Variants in NAALADL2 observed in about 807,000 individuals in gnomAD.
The protein encoded by NAALADL2 is N-acetylated alpha-linked acidic dipeptidase like 2, also known as inactive N-acetylated-alpha-linked acidic dipeptidase-like protein 2.
Under a neutral mutation model 87.2 loss-of-function variants are expected in NAALADL2, and 76 were observed. The observed-to-expected ratio is 0.87, with a 90% CI of 0.72 to 1.05. The LOEUF (loss-of-function observed/expected upper bound fraction) is 1.05. Ranked by LOEUF, NAALADL2 falls within the 50% of genes least tolerant of loss-of-function variation. The pLI is 0.00. For synonymous variants in NAALADL2, 354 were observed against 331.0 expected (o/e 1.07, Z -0.75); for missense variants, 1,089 against 945.8 (o/e 1.15, Z -1.99).
At chr3:175,494,801 A>G (rs1352578856) in intron 9 of NAALADL2, among the ~76,000 whole-genome samples, 3 of 152,012 alleles carry the variant, frequency 2.0e-5, no homozygotes, top group Admixed American at 6.6e-5. Context: ...TCACTGTAGT[A>G]TTTTGAAGAT....
chr3:175,667,173 GAAAGAAAGAGAAAGAA>G (rs1386778956), intron 11 of NAALADL2, among the ~76,000 whole-genome samples: 2 of 121,588 alleles, frequency 1.6e-5, no homozygotes, highest in African/African-American at 6.7e-5. Context: ...AAGAAAGAAA[GAAAGAAAGAGAAAGAA>G]AGAAAGAAAG....
chr3:175,509,711 G>A (rs953361607), intron 9 of NAALADL2, among the ~76,000 whole-genome samples: 3 of 152,188 alleles, frequency 2.0e-5, no homozygotes, highest in Non-Finnish European at 4.4e-5. Flanking sequence ...GCTGCTATAA[G>A]GACATGCGAG....
intron 4 of NAALADL2, among the ~76,000 whole-genome samples, chr3:175,262,958 A>C (rs1331312460): frequency 6.6e-6 from 1 of 151,154 alleles, no homozygotes; most frequent in South Asian, 2.1e-4. Context: ...TCACTGAATA[A>C]TTTAATAAGG....
chr3:175,673,996 C>A (rs1487851891), intron 11 of NAALADL2, among the ~76,000 whole-genome samples: 4 of 151,450 alleles, frequency 2.6e-5, no homozygotes, highest in Non-Finnish European at 5.9e-5. Context: ...TTCAAAGATC[C>A]CTATAATGTT....
chr3:175,564,773 T>C (rs1716837501), intron 9 of NAALADL2, among the ~76,000 whole-genome samples: 1 of 152,226 alleles, frequency 6.6e-6, no homozygotes, highest in South Asian at 2.1e-4. Flanking sequence ...TCCAGTGTCT[T>C]GGCCAAAGGT....
chr3:175,499,735 A>C (rs911296477), intron 9 of NAALADL2, among the ~76,000 whole-genome samples: 2 of 152,108 alleles, frequency 1.3e-5, no homozygotes, highest in African/African-American at 4.8e-5. Context: ...CAGTTATTGC[A>C]CAAATTATTG....
chr3:174,555,924 C>G (rs980141699), intron 2 of NAALADL2, among the ~76,000 whole-genome samples: 2 of 151,670 alleles, frequency 1.3e-5, no homozygotes, highest in Admixed American at 6.6e-5. Flanking sequence ...TCCACCACCC[C>G]ATCGATGTTA....
chr3:175,524,874 A>G (rs1336088637), intron 9 of NAALADL2, among the ~76,000 whole-genome samples: 2 of 152,268 alleles, frequency 1.3e-5, no homozygotes, highest in East Asian at 3.9e-4. Flanking sequence ...CAAGATAATT[A>G]CATATATGTT....
chr3:175,486,329 A>G (rs1727249475), intron 9 of NAALADL2, among the ~76,000 whole-genome samples: 1 of 152,134 alleles, frequency 6.6e-6, no homozygotes, highest in South Asian at 2.1e-4. Context: ...GGACAGGCTA[A>G]AAAGAAGGCT....
intron 1 of NAALADL2, among the ~76,000 whole-genome samples, chr3:174,959,463 C>T (rs1012545758): frequency 6.6e-6 from 1 of 151,936 alleles, no homozygotes; most frequent in Non-Finnish European, 1.5e-5. Flanking sequence ...AGTTATATCA[C>T]AGAGGGGCAC....
At chr3:175,043,579 A>G (rs1323774765) in intron 1 of NAALADL2, among the ~76,000 whole-genome samples, 2 of 152,146 alleles carry the variant, frequency 1.3e-5, no homozygotes, top group Admixed American at 6.6e-5. Context: ...TAAGGATCCA[A>G]TTTTAATTTT....
intron 12 of NAALADL2, among the ~76,000 whole-genome samples, chr3:175,753,193 A>T (rs1746825417): frequency 6.6e-6 from 1 of 152,168 alleles, no homozygotes; most frequent in South Asian, 2.1e-4. Flanking sequence ...TGTTAATTTC[A>T]GTGAGCAGGG....
intron 10 of NAALADL2, among the ~76,000 whole-genome samples, chr3:175,592,473 T>C (rs112576065): frequency 0.043 from 6,606 of 152,094 alleles, 487 homozygotes; most frequent in African/African-American, 0.15. Context: ...AGACTGTAGT[T>C]ACCTTTTCAC....
intron 11 of NAALADL2, among the ~76,000 whole-genome samples, chr3:175,716,275 T>C (rs943821429): frequency 1.4e-5 from 2 of 146,146 alleles, no homozygotes; most frequent in Non-Finnish European, 3.0e-5. Flanking sequence ...ATATATATAA[T>C]ATATATTATG....
rs558836631 is a variant in NAALADL2 at position 175,436,098 on chromosome 3, G to C, written c.1091-11131G>C. 3.5e-5 allele frequency among the ~76,000 whole-genome samples: 5 copies of C among 144,492 alleles called. No individual in the cohort carries two copies. The East Asian group carries it at 1.0e-3, about 30-fold the overall frequency. The allele number at this position is 144,492 out of a possible 152,430, so 94.8% of individuals were successfully genotyped here. A position where few individuals can be genotyped will look rare whatever the true frequency, so the allele number is the denominator to read the frequency against. ...TCCCACCTATGAGTGAGAATATGCG[G>C]TGTTTGGTTTTTTGATCTTGCGATA... On this transcript the variant is annotated intron_variant, in intron 5 of 13. Transcript: ENST00000454872.
At chr3:174,739,020 T>C (rs1022355544) in intron 3 of NAALADL2, among the ~76,000 whole-genome samples, 1 of 152,204 alleles carries the variant, frequency 6.6e-6, no homozygotes, top group Non-Finnish European at 1.5e-5. Flanking sequence ...TATTTCTTAA[T>C]TTGTATTTTC....
chr3:175,233,937 G>A lies in NAALADL2; in HGVS notation c.552G>A (p.Leu184=), dbSNP rs1297006703. 5.1e-6 allele frequency: 8 copies of A among 1,556,806 alleles called. No individual in the cohort carries two copies. The highest frequency in any genetic ancestry group is 7.0e-6 in the Non-Finnish European group (8 of 1,139,898). ...AEDIKKSFRN[L]VQLYKNEDDM... ...CTTTTCAAATTTATTTCAGAAATTT[G>A]GTACAACTATATAAAAATGAAGATG... The change falls in exon 3 of 14, where the codon TTG becomes TTA. Residue 184 remains leucine, a synonymous_variant. Transcript: ENST00000454872.
intron 3 of NAALADL2, among the ~76,000 whole-genome samples, chr3:174,830,495 A>G (rs552620751): frequency 0.02 from 2,987 of 151,938 alleles, 102 homozygotes; most frequent in African/African-American, 0.069. Context: ...TACCAGTACC[A>G]TGCTGTTTTG....
intron 1 of NAALADL2, among the ~76,000 whole-genome samples, chr3:175,056,008 C>T (rs1712077478): frequency 6.6e-6 from 1 of 152,122 alleles, no homozygotes; most frequent in South Asian, 2.1e-4. Flanking sequence ...GACTGCCAAG[C>T]CTCTATATCA....
Sources: allele counts gnomAD v4.1 joint callset (sites outside exome capture counted in the v4.1 genomes callset), GRCh38; gene constraint gnomAD v4.1.1; transcripts MANE v1.5; gene names NCBI Gene and HGNC (gene_info 2026-07-23, HGNC 2026-07-21).